FRS2: variants seen among roughly 807,000 people sequenced by gnomAD.
The protein encoded by FRS2 is FGFR signalling adaptor.
FRS2 carries 8 observed loss-of-function variants against 43.9 expected under a neutral mutation model. The ratio of observed to expected loss-of-function variants is 0.18; its 90% CI spans 0.11 to 0.33. The LOEUF is 0.33. Among genes scored for constraint, FRS2 ranks in the 10% least tolerant of loss-of-function variants. FRS2 has a pLI of 1.00. For synonymous variants in FRS2, 219 were observed against 220.3 expected (o/e 0.99, Z 0.05); for missense variants, 534 against 627.6 (o/e 0.85, Z 1.59).
intron 1 of FRS2, among the ~76,000 whole-genome samples, chr12:69,476,131 C>T (rs1236945797): frequency 6.6e-6 from 1 of 152,156 alleles, no homozygotes; most frequent in African/African-American, 2.4e-5. Flanking sequence ...TATTCATCCA[C>T]ATATTTATGC....
At chr12:69,563,447 G>T (rs999637778) in intron 4 of FRS2, among the ~76,000 whole-genome samples, 1 of 152,068 alleles carries the variant, frequency 6.6e-6, no homozygotes. Flanking sequence ...GCCCCATTTT[G>T]TATTTTGTTA....
intron 1 of FRS2, among the ~76,000 whole-genome samples, chr12:69,490,776 T>C (rs900774838): frequency 2.6e-5 from 4 of 152,230 alleles, no homozygotes; most frequent in African/African-American, 9.6e-5. Context: ...GGTTATACTT[T>C]TCACTAAAGA....
intron 4 of FRS2, among the ~76,000 whole-genome samples, chr12:69,564,030 C>A (rs549938597): frequency 6.6e-6 from 1 of 152,094 alleles, no homozygotes; most frequent in Middle Eastern, 3.2e-3. Context: ...TCTTAAAATA[C>A]GTAACTCAAG....
Position 69,578,825 on chromosome 12 carries a change from T to C in FRS2, c.*3870T>C, listed in dbSNP as rs1044724190. The stretch of plus-strand genomic sequence containing the variant: ...ATTAGATTTTTAATTTTTTCTTTTA[T>C]AAAAAATTGTCCAACAGTGGGACTA... On this transcript the variant is annotated 3_prime_UTR_variant, in exon 9 of 9. Transcript: ENST00000549921. The C allele has an allele frequency of 3.3e-5, 5 of 152,612 alleles. No homozygotes were observed. Among genetic ancestry groups the C allele is most frequent in the African/African-American group, 1.2e-4 (5 of 41,440 alleles). The allele number at this position is 152,612 out of a possible 1,614,324, so 9.5% of individuals were successfully genotyped here.
At chr12:69,550,629 A>G (rs1450841199) in intron 3 of FRS2, among the ~76,000 whole-genome samples, 3 of 152,246 alleles carry the variant, frequency 2.0e-5, no homozygotes, top group Non-Finnish European at 4.4e-5. Context: ...CTTTCATTTT[A>G]AATTCTAATG....
In FRS2 at chr12:69,484,331, G is replaced by T. The variant is rs556632706; in HGVS notation, c.-261+13801G>T. 2.2e-4 allele frequency among the ~76,000 whole-genome samples: 33 copies of T among 152,214 alleles called. 1 individual carries two copies. In the South Asian group the frequency reaches 6.0e-3, roughly 28 times the overall value. Reference sequence around the variant, plus strand: ...GATCTCCTGACCTTGTGATCTGCCCGCTTTTGCCTCCCAGAGTGCTGGGAT... The same window carrying T: ...GATCTCCTGACCTTGTGATCTGCCCTCTTTTGCCTCCCAGAGTGCTGGGAT... On this transcript the variant is annotated intron_variant, in intron 1 of 8. Coordinates refer to ENST00000549921, the MANE Select transcript of FRS2 (RefSeq NM_001278356.2).
intron 1 of FRS2, among the ~76,000 whole-genome samples, chr12:69,487,750 C>T (rs1436181063): frequency 3.3e-5 from 5 of 152,138 alleles, no homozygotes; most frequent in Non-Finnish European, 7.4e-5. Flanking sequence ...AAACTGAAAA[C>T]CTTCTGGAAA....
chr12:69,478,839 C>T (rs138475591), intron 1 of FRS2, among the ~76,000 whole-genome samples: 5 of 151,654 alleles, frequency 3.3e-5, no homozygotes, highest in Admixed American at 1.3e-4. Flanking sequence ...CTTTGATGGC[C>T]GTTCATGTTT....
At position 69,527,056 on chromosome 12, in the gene FRS2, C is replaced by T. The variant is rs907782300; in HGVS notation, c.-260-3809C>T. Reference sequence around the variant, plus strand: ...AACTTTTGATGAACACCTGTGTGGCCACCCCATTGAACCCTGACATTTTTT... The same window carrying T: ...AACTTTTGATGAACACCTGTGTGGCTACCCCATTGAACCCTGACATTTTTT... On this transcript the variant is annotated intron_variant, in intron 1 of 8. Coordinates refer to ENST00000549921, the MANE Select transcript of FRS2 (RefSeq NM_001278356.2). Among the ~76,000 whole-genome samples, 4 of 152,136 alleles carry T rather than the reference C, an allele frequency of 2.6e-5. No individual in the cohort carries two copies. The South Asian group carries it at 6.2e-4, about 24-fold the overall frequency.
At chr12:69,472,477 A>G (rs1194211508) in intron 1 of FRS2, among the ~76,000 whole-genome samples, 2 of 152,180 alleles carry the variant, frequency 1.3e-5, no homozygotes, top group African/African-American at 4.8e-5. Context: ...TAAGATTGGA[A>G]TATTGGAATT....
intron 1 of FRS2, among the ~76,000 whole-genome samples, chr12:69,519,627 T>C (rs1337953636): frequency 6.6e-6 from 1 of 152,194 alleles, no homozygotes; most frequent in Non-Finnish European, 1.5e-5. Flanking sequence ...ACTCATCATT[T>C]AGCTCTCACT....
chr12:69,533,444 G>T (rs1014348873), intron 3 of FRS2, among the ~76,000 whole-genome samples: 4 of 152,022 alleles, frequency 2.6e-5, no homozygotes, highest in Non-Finnish European at 5.9e-5. Flanking sequence ...CCGCCTCCTG[G>T]GTTCAAGTGA....
chr12:69,544,429 G>C (rs1878186054), intron 3 of FRS2, among the ~76,000 whole-genome samples: 1 of 152,200 alleles, frequency 6.6e-6, no homozygotes, highest in South Asian at 2.1e-4. Flanking sequence ...AAAGGAGCCA[G>C]GTGCAGTGGT....
chr12:69,527,342 G>GTTTTTTTTTTT (rs1294936661), intron 1 of FRS2, among the ~76,000 whole-genome samples: 10 of 33,146 alleles, frequency 3.0e-4, no homozygotes, highest in South Asian at 2.0e-3. Context: ...TTTTTTTAAT[G>GTTTTTTTTTTT]ATTTTTTTTT....
chr12:69,500,358 C>A (rs1873332990), intron 1 of FRS2, among the ~76,000 whole-genome samples: 1 of 152,152 alleles, frequency 6.6e-6, no homozygotes, highest in Non-Finnish European at 1.5e-5. Flanking sequence ...ACATCCCACA[C>A]ATCCTAAAGT....
intron 1 of FRS2, among the ~76,000 whole-genome samples, chr12:69,484,965 G>A (rs1188552458): frequency 1.3e-5 from 2 of 151,988 alleles, no homozygotes. Context: ...ATCAAAACCT[G>A]CCAGGCATGG....
At chr12:69,522,847 C>A (rs531156253) in intron 1 of FRS2, among the ~76,000 whole-genome samples, 2 of 152,062 alleles carry the variant, frequency 1.3e-5, no homozygotes, top group Admixed American at 1.3e-4. Context: ...CATTGTTTAC[C>A]CAAAAGTTAT....
intron 3 of FRS2, among the ~76,000 whole-genome samples, chr12:69,551,208 T>TG (rs1396924269): frequency 6.6e-6 from 1 of 152,104 alleles, no homozygotes; most frequent in East Asian, 1.9e-4. Context: ...AAAAATTAGC[T>TG]GGGTGTGGTG....
chr12:69,563,999 A>C (rs1346904542), intron 4 of FRS2, among the ~76,000 whole-genome samples: 1 of 152,098 alleles, frequency 6.6e-6, no homozygotes, highest in Non-Finnish European at 1.5e-5. Flanking sequence ...ACTGATTATA[A>C]GCCTGCATAA....
Sources: allele counts gnomAD v4.1 joint callset (sites outside exome capture counted in the v4.1 genomes callset), GRCh38; gene constraint gnomAD v4.1.1; transcripts MANE v1.5; gene names NCBI Gene and HGNC (gene_info 2026-07-23, HGNC 2026-07-21).